Variants in MIER1 observed in about 807,000 individuals in gnomAD.
MIER1 encodes the protein MIER1 transcriptional regulator, also known as mesoderm induction early response protein 1.
Under a neutral mutation model 75.7 loss-of-function variants are expected in MIER1, and 40 were observed. That is an observed-to-expected ratio of 0.53 (90% CI 0.41 to 0.69). The LOEUF (loss-of-function observed/expected upper bound fraction) is 0.69. MIER1 is among the 30% of genes least tolerant of loss of function. The pLI is 0.00. For missense variants in MIER1, 574 were observed against 680.2 expected, an observed-to-expected ratio of 0.84 and a Z score of 1.74; for synonymous variants, 213 against 223.4, an observed-to-expected ratio of 0.95 and a Z score of 0.42.
At chr1:66,941,669 G>A (rs1292458053) in intron 3 of MIER1, among the ~76,000 whole-genome samples, 6 of 152,164 alleles carry the variant, frequency 3.9e-5, no homozygotes, top group Non-Finnish European at 7.4e-5. Context: ...GAATAATGGA[G>A]TTTGAAGAAT....
intron 2 of MIER1, chr1:66,930,375 C>G (rs764366973): frequency 6.2e-7 from 1 of 1,607,738 alleles, no homozygotes; most frequent in South Asian, 1.1e-5. Flanking sequence ...GAGATGTGAC[C>G]CGGCAGTACG....
At chr1:66,962,028 T>C (rs1418433613) in intron 7 of MIER1, among the ~76,000 whole-genome samples, 1 of 152,182 alleles carries the variant, frequency 6.6e-6, no homozygotes, top group East Asian at 1.9e-4. Flanking sequence ...TACCAAAACT[T>C]CTAGACCATG....
rs1442791308 is a variant in MIER1 at position 66,988,165 on chromosome 1, T to A, written c.*3265T>A. On this transcript the variant is annotated 3_prime_UTR_variant, in exon 14 of 14. Transcript: ENST00000401041. The stretch of plus-strand genomic sequence containing the variant: ...GATAGTAAGGTTTTCCCAACTATAA[T>A]CCATATTCATGAAAAATGCCAGTGT... The A allele has an allele frequency of 1.3e-5, 2 of 152,270 alleles. No individual in the cohort carries two copies. Among genetic ancestry groups the A allele is most frequent in the Admixed American group, 1.3e-4 (2 of 15,272 alleles). 9.4% of individuals were successfully genotyped at this position (152,270 alleles called of 1,614,324 possible).
intron 1 of MIER1, 36 bp from the exon 2 acceptor site, chr1:66,926,106 C>A: frequency 1.3e-6 from 2 of 1,519,926 alleles, no homozygotes; most frequent in Non-Finnish European, 9.1e-7. Flanking sequence ...TCGTTTCTGT[C>A]TCCTTGCTAC....
In MIER1 at chr1:66,988,332, C is replaced by G. The variant is rs1002195721; in HGVS notation, c.*3432C>G. 6.6e-6 allele frequency: 1 copy of G among 152,306 alleles called. No individual in the cohort carries two copies. Among genetic ancestry groups the G allele is most frequent in the African/African-American group, 2.4e-5 (1 of 41,444 alleles). The allele number at this position is 152,306 out of a possible 1,614,324, so 9.4% of individuals were successfully genotyped here. On this transcript the variant is annotated 3_prime_UTR_variant, in exon 14 of 14. Transcript: ENST00000401041. ...ACTTTTTACCGTAAAAATTAACTCT[C>G]TTCTTTAATATCAAGTTCATCCTTT...
At chr1:66,960,071 A>C in intron 7 of MIER1, 1 of 161,820 alleles carries the variant, frequency 6.2e-6, no homozygotes, top group Non-Finnish European at 1.3e-5. Context: ...AAACAAAACA[A>C]AAAATAAATA....
intron 11 of MIER1, among the ~76,000 whole-genome samples, chr1:66,973,310 T>C (rs1451735855): frequency 6.6e-6 from 1 of 152,106 alleles, no homozygotes; most frequent in Non-Finnish European, 1.5e-5. Context: ...TGTGACTGTT[T>C]TATGGAGGGC....
intron 7 of MIER1, among the ~76,000 whole-genome samples, chr1:66,962,797 A>G (rs545562809): frequency 2.0e-5 from 3 of 152,150 alleles, no homozygotes; most frequent in Non-Finnish European, 2.9e-5. Flanking sequence ...CATGTTTTGC[A>G]GTTGTCTTAC....
At chr1:66,982,018 C>A in intron 13 of MIER1, 100 bp downstream of exon 13, 1 of 1,232,640 alleles carries the variant, frequency 8.1e-7, no homozygotes, top group Non-Finnish European at 1.2e-6. Flanking sequence ...ACTTCCAGAG[C>A]AGAAAGTAAA....
chr1:66,943,259 T>C (rs1163546538), intron 3 of MIER1, among the ~76,000 whole-genome samples: 1 of 152,178 alleles, frequency 6.6e-6, no homozygotes, highest in Non-Finnish European at 1.5e-5. Flanking sequence ...TTAATGTTTC[T>C]CAAATTGTGC....
intron 3 of MIER1, among the ~76,000 whole-genome samples, chr1:66,942,930 A>G (rs575568712): frequency 1.8e-4 from 28 of 152,332 alleles, no homozygotes; most frequent in African/African-American, 6.0e-4. Flanking sequence ...CTATATACCT[A>G]TGAACTTGAA....
At chr1:66,974,065 G>T (rs992399153) in intron 11 of MIER1, among the ~76,000 whole-genome samples, 2 of 151,428 alleles carry the variant, frequency 1.3e-5, no homozygotes, top group East Asian at 3.9e-4. Context: ...CTTAAATTTT[G>T]TCGTGCATTA....
chr1:66,976,250 C>A (rs1453777643), intron 11 of MIER1, among the ~76,000 whole-genome samples: 1 of 152,204 alleles, frequency 6.6e-6, no homozygotes, highest in Non-Finnish European at 1.5e-5. Context: ...GATCCACCCC[C>A]CTTGGCCTCC....
At chr1:66,934,440 G>A (rs1277004056) in intron 2 of MIER1, among the ~76,000 whole-genome samples, 2 of 122,830 alleles carry the variant, frequency 1.6e-5, no homozygotes, top group African/African-American at 6.3e-5. Flanking sequence ...GTCTCTCTCT[G>A]TTGCCCAGGC....
intron 3 of MIER1, 46 bp from the exon 4 acceptor site, chr1:66,946,104 T>A: frequency 6.5e-7 from 1 of 1,541,574 alleles, no homozygotes; most frequent in East Asian, 2.3e-5. Context: ...ATTAATAAGA[T>A]CCACTTAATT....
At chr1:66,926,104 G>C (rs1191353147) in intron 1 of MIER1, 38 bp from the exon 2 acceptor site, 4 of 1,511,490 alleles carry the variant, frequency 2.6e-6, no homozygotes, top group East Asian at 2.3e-5. Flanking sequence ...CATCGTTTCT[G>C]TCTCCTTGCT....
At chr1:66,935,708 AG>A (rs1367544348) in intron 2 of MIER1, among the ~76,000 whole-genome samples, 1 of 152,186 alleles carries the variant, frequency 6.6e-6, no homozygotes, top group Admixed American at 6.5e-5. Flanking sequence ...TATTGTTAAC[AG>A]GTTCTTGTAT....
At chr1:66,955,232 A>C (rs1415640657) in intron 4 of MIER1, among the ~76,000 whole-genome samples, 4 of 148,412 alleles carry the variant, frequency 2.7e-5, no homozygotes, top group African/African-American at 1.0e-4. Flanking sequence ...TTCAAGCTTT[A>C]TTACCTCCCA....
At position 66,926,233 on chromosome 1, in the gene MIER1, T is replaced by C. The variant is rs1402824728; in HGVS notation, c.159T>C (p.Asp53=). 4 of 1,612,636 alleles carry C rather than the reference T, an allele frequency of 2.5e-6. No individual in the cohort carries two copies. The highest frequency in any genetic ancestry group is 2.5e-6 in the Non-Finnish European group (3 of 1,178,700). The change falls in exon 2 of 14, where the codon GAT becomes GAC. Residue 53 remains aspartate, a synonymous_variant. Transcript: ENST00000401041. ...NWLRFNADKT[D]VMLPSVESSS... Reference sequence around the variant, plus strand: ...TGAGGTTCAATGCAGACAAGACGGATGTGATGCTGGTAGGCAGGGGTACAC... The same window carrying C: ...TGAGGTTCAATGCAGACAAGACGGACGTGATGCTGGTAGGCAGGGGTACAC...
Sources: gnomAD v4.1 joint callset for allele counts (sites outside exome capture counted in the v4.1 genomes callset) on GRCh38, gnomAD v4.1.1 for gene constraint, MANE v1.5 for transcripts, NCBI Gene and HGNC (gene_info 2026-07-23, HGNC 2026-07-21) for gene names.